The following GPAT4 variants were observed in gnomAD, a reference collection of about 807,000 sequenced individuals.
GPAT4 encodes the protein glycerol-3-phosphate acyltransferase 4.
In GPAT4, 17 loss-of-function variants were observed where a neutral mutation model predicts 58.0. That is an observed-to-expected ratio of 0.29 (90% CI 0.20 to 0.44). GPAT4 has a LOEUF of 0.44. Among genes scored for constraint, GPAT4 ranks in the 20% least tolerant of loss-of-function variants. GPAT4 has a pLI of 1.00. For synonymous variants in GPAT4, 204 were observed against 210.1 expected, an observed-to-expected ratio of 0.97 and a Z score of 0.25; for missense variants, 377 against 574.5, an observed-to-expected ratio of 0.66 and a Z score of 3.51.
chr8:41,593,231 C>G (rs1006413785), intron 1 of GPAT4, among the ~76,000 whole-genome samples: 1 of 152,160 alleles, frequency 6.6e-6, no homozygotes, highest in African/African-American at 2.4e-5. Flanking sequence ...AATCTTATTT[C>G]AAAAACTGTG....
At chr8:41,589,960 A>G (rs1305694146) in intron 1 of GPAT4, among the ~76,000 whole-genome samples, 1 of 152,170 alleles carries the variant, frequency 6.6e-6, no homozygotes, top group East Asian at 1.9e-4. Flanking sequence ...TTCCTGAACT[A>G]CCTCTAGAAC....
chr8:41,609,019 G>T (rs1803360640), intron 2 of GPAT4, among the ~76,000 whole-genome samples: 1 of 152,206 alleles, frequency 6.6e-6, no homozygotes, highest in Admixed American at 6.5e-5. Flanking sequence ...TAATTTGGTG[G>T]CAGGCAGTAG....
chr8:41,609,379 A>G, intron 2 of GPAT4, 37 bp from the exon 3 acceptor site: 1 of 1,597,360 alleles, frequency 6.3e-7, no homozygotes, highest in Non-Finnish European at 8.6e-7. Context: ...AACAGGTCTC[A>G]TTCTTGCTCT....
At chr8:41,604,515 C>T (rs192978167) in intron 2 of GPAT4, among the ~76,000 whole-genome samples, 3 of 152,322 alleles carry the variant, frequency 2.0e-5, no homozygotes, top group Non-Finnish European at 4.4e-5. Flanking sequence ...TTGTGCTTCA[C>T]ATGAACCCCC....
In GPAT4 at chr8:41,600,814, C is replaced by T. The variant is rs957468718; in HGVS notation, c.165+1510C>T. On this transcript the variant is annotated intron_variant, in intron 2 of 12. Coordinates refer to ENST00000396987, the MANE Select transcript of GPAT4 (RefSeq NM_178819.4). ...AGTCTGCATTCTGCCTCTGAATTTA[C>T]CTATTCTGCATATTTCATGTGAATG... Among the ~76,000 whole-genome samples, 3 of 152,200 alleles carry T rather than the reference C, an allele frequency of 2.0e-5. No homozygotes were observed. The East Asian group carries it at 5.8e-4, about 29-fold the overall frequency.
chr8:41,591,352 G>A (rs929921230), intron 1 of GPAT4, among the ~76,000 whole-genome samples: 2 of 152,172 alleles, frequency 1.3e-5, no homozygotes, highest in Non-Finnish European at 2.9e-5. Context: ...TTCTTTAGAG[G>A]CAGAAATTGG....
chr8:41,623,479 AGCCTGCT>A lies in GPAT4; in HGVS notation c.*2481_*2487del, dbSNP rs1803818733. On this transcript the variant is annotated 3_prime_UTR_variant, in exon 13 of 13. Coordinates refer to ENST00000396987, the MANE Select transcript of GPAT4 (RefSeq NM_178819.4). ...CTGGTCAGCTGCTAACCCCCCTCCA[AGCCTGCT>A]GCACCTTCACTTCTCTGCATCCGTC... 6.6e-6 allele frequency: 1 copy of A among 152,186 alleles called. No homozygotes were observed. The highest frequency in any genetic ancestry group is 2.4e-5 in the African/African-American group (1 of 41,420). 9.4% of individuals were successfully genotyped at this position (152,186 alleles called of 1,614,324 possible). A position where few individuals can be genotyped will look rare whatever the true frequency, so the allele number is the denominator to read the frequency against.
intron 5 of GPAT4, among the ~76,000 whole-genome samples, chr8:41,611,376 T>G (rs77682142): frequency 0.016 from 2,446 of 152,296 alleles, 40 homozygotes; most frequent in Middle Eastern, 0.048. Context: ...ACATGTAGAG[T>G]CCGAGACTCA....
chr8:41,619,179 T>C, intron 12 of GPAT4: 1 of 625,902 alleles, frequency 1.6e-6, no homozygotes, highest in Non-Finnish European at 2.8e-6. Flanking sequence ...ATGCCTGGAC[T>C]GAGGCAGTTG....
intron 1 of GPAT4, among the ~76,000 whole-genome samples, chr8:41,585,207 A>G (rs1802620588): frequency 6.6e-6 from 1 of 152,196 alleles, no homozygotes. Context: ...TTTACATTAC[A>G]GTTGGGGCAT....
intron 1 of GPAT4, among the ~76,000 whole-genome samples, chr8:41,595,629 T>A (rs1319117032): frequency 6.6e-6 from 1 of 152,164 alleles, no homozygotes; most frequent in Non-Finnish European, 1.5e-5. Context: ...AATTATAGGT[T>A]TTAAATTTAC....
chr8:41,614,779 A>T (rs1289961861), intron 9 of GPAT4, among the ~76,000 whole-genome samples, 184 bp from the exon 10 acceptor site: 1 of 152,148 alleles, frequency 6.6e-6, no homozygotes, highest in Admixed American at 6.5e-5. Context: ...TAGAAAGAGA[A>T]TCGGAGGCAC....
chr8:41,587,777 A>G (rs1288509265), intron 1 of GPAT4, among the ~76,000 whole-genome samples: 3 of 152,218 alleles, frequency 2.0e-5, no homozygotes, highest in African/African-American at 7.2e-5. Flanking sequence ...CTTAGGATAC[A>G]TTTCTAGAAG....
At chr8:41,601,811 C>G (rs1032599849) in intron 2 of GPAT4, among the ~76,000 whole-genome samples, 6 of 152,142 alleles carry the variant, frequency 3.9e-5, no homozygotes, top group African/African-American at 1.4e-4. Flanking sequence ...AATGTACATC[C>G]CTATGACTTT....
Position 41,609,431 on chromosome 8 carries a change from A to T in GPAT4, c.181A>T (p.Met61Leu). The change falls in exon 3 of 13, where the codon ATG (methionine) becomes TTG (leucine). Residue 61 changes from methionine to leucine, a missense_variant. By Grantham distance (15) the Met-to-Leu change is conservative. Coordinates refer to ENST00000396987, the MANE Select transcript of GPAT4 (RefSeq NM_178819.4). The part of the protein sequence containing the change: ...LKIFAWATLR[M>L]ERGAKEKNHQ... ...CCCCTCCCAGTGGGCTACCTTGAGA[A>T]TGGAGCGAGGAGCCAAGGAGAAGAA... 1.2e-6 allele frequency: 2 copies of T among 1,614,184 alleles called. No homozygotes were observed. Among genetic ancestry groups the T allele is most frequent in the Non-Finnish European group, 1.7e-6 (2 of 1,180,028 alleles).
chr8:41,619,156 A>G (rs1268412026), intron 12 of GPAT4, 179 bp downstream of exon 12: 3 of 717,562 alleles, frequency 4.2e-6, no homozygotes, highest in Non-Finnish European at 6.9e-6. Context: ...ACCTTGGGGA[A>G]CCTGGATCAG....
At position 41,618,466 on chromosome 8, in the gene GPAT4, T is replaced by C. The variant is rs143721195; in HGVS notation, c.1054-218T>C. 434 of 603,078 alleles carry C rather than the reference T, an allele frequency of 7.2e-4. 2 individuals carry two copies. The East Asian group carries it at 9.8e-3, about 14-fold the overall frequency. The allele number at this position is 603,078 out of a possible 1,614,324, so 37.4% of individuals were successfully genotyped here. On this transcript the variant is annotated intron_variant, in intron 10 of 12. Coordinates refer to ENST00000396987, the MANE Select transcript of GPAT4 (RefSeq NM_178819.4). Reference sequence around the variant, plus strand: ...AGGCTGTCAGGGGAGCCTTCCTTACTGATCTGTAGCAGAGGCCGGGTTCCT... The same window carrying C: ...AGGCTGTCAGGGGAGCCTTCCTTACCGATCTGTAGCAGAGGCCGGGTTCCT...
At chr8:41,603,746 G>C (rs1585664560) in intron 2 of GPAT4, among the ~76,000 whole-genome samples, 1 of 151,996 alleles carries the variant, frequency 6.6e-6, no homozygotes, top group African/African-American at 2.4e-5. Flanking sequence ...CTCTCAGGCC[G>C]CTTGCCCCTG....
intron 1 of GPAT4, among the ~76,000 whole-genome samples, chr8:41,580,684 CT>C (rs1431843477): frequency 6.6e-6 from 1 of 152,140 alleles, no homozygotes; most frequent in Non-Finnish European, 1.5e-5. Context: ...TCAGGATGGA[CT>C]TTTCTTTTGT....
Sources: allele counts gnomAD v4.1 joint callset (sites outside exome capture counted in the v4.1 genomes callset), GRCh38; gene constraint gnomAD v4.1.1; transcripts MANE v1.5; gene names NCBI Gene and HGNC (gene_info 2026-07-23, HGNC 2026-07-21).